PFKFB2: variants seen among roughly 807,000 people sequenced by gnomAD.
PFKFB2 encodes the protein 6-phosphofructo-2-kinase/fructose-2,6-biphosphatase 2.
PFKFB2 carries 53 observed loss-of-function variants against 68.0 expected under a neutral mutation model. That is an observed-to-expected ratio of 0.78 (90% confidence interval 0.63 to 0.98). The LOEUF is 0.98. PFKFB2 is among the 50% of genes least tolerant of loss of function. PFKFB2 has a pLI of 0.00. For missense variants in PFKFB2, 451 were observed against 642.0 expected (o/e 0.70, Z 3.22); for synonymous variants, 222 against 227.6 (o/e 0.98, Z 0.22).
At chr1:207,055,391 G>A (rs1682888036) in intron 2 of PFKFB2, among the ~76,000 whole-genome samples, 1 of 152,138 alleles carries the variant, frequency 6.6e-6, no homozygotes, top group East Asian at 1.9e-4. Flanking sequence ...GCTTTCACAT[G>A]AGCATTTTCA....
chr1:207,055,502 C>T (rs1303310485), intron 2 of PFKFB2, among the ~76,000 whole-genome samples: 1 of 152,152 alleles, frequency 6.6e-6, no homozygotes, highest in Non-Finnish European at 1.5e-5. Flanking sequence ...GCATCATAGG[C>T]TGCATAGCTT....
intron 14 of PFKFB2, 63 bp from the exon 15 acceptor site, chr1:207,072,141 A>C: frequency 6.3e-7 from 1 of 1,584,124 alleles, no homozygotes; most frequent in Non-Finnish European, 8.6e-7. Flanking sequence ...CGCATTATTA[A>C]CCTGTATGAG....
At chr1:207,038,262 A>G (rs891653869) in intron 1 of PFKFB2, among the ~76,000 whole-genome samples, 1 of 152,236 alleles carries the variant, frequency 6.6e-6, no homozygotes, top group Non-Finnish European at 1.5e-5. Context: ...AGGTGTTAGG[A>G]ATACAGCAAT....
At chr1:207,050,519 C>T (rs1367033412), upstream of PFKFB2, among the ~76,000 whole-genome samples, 1 of 152,212 alleles carries the variant, frequency 6.6e-6, no homozygotes, top group Non-Finnish European at 1.5e-5. Flanking sequence ...TTGCTAGACA[C>T]TTGCCCTGGC....
At position 207,077,458 on chromosome 1, in the gene PFKFB2, C is replaced by A; in HGVS notation, c.*5087C>A. The A allele has an allele frequency of 1.0e-6, 1 of 985,246 alleles. No homozygotes were observed. The highest frequency in any genetic ancestry group is 1.2e-6 in the Non-Finnish European group (1 of 829,826). The allele number at this position is 985,246 out of a possible 1,614,324, so 61.0% of individuals were successfully genotyped here. ...TATGTACGTTTTTTATTATATTGAC[C>A]TAACAAGAAGATCAACTTATGCTGG... On this transcript the variant is annotated 3_prime_UTR_variant, in exon 15 of 15. Coordinates refer to ENST00000367080, the MANE Select transcript of PFKFB2 (RefSeq NM_006212.2).
chr1:207,077,102 G>A lies in PFKFB2; in HGVS notation c.*4731G>A, dbSNP rs75079916. The A allele has an allele frequency of 3.0e-6, 3 of 984,822 alleles. No homozygotes were observed. Among genetic ancestry groups the A allele is most frequent in the Non-Finnish European group, 3.6e-6 (3 of 829,526 alleles). The allele number at this position is 984,822 out of a possible 1,614,324, so 61.0% of individuals were successfully genotyped here. ...TGTGAACTCAGCTAAGGGAATGCCT[G>A]TTCAGAGCCTGGAGTTGTTACCTTT... On this transcript the variant is annotated 3_prime_UTR_variant, in exon 15 of 15. Coordinates refer to ENST00000367080, the MANE Select transcript of PFKFB2 (RefSeq NM_006212.2).
intron 2 of PFKFB2, chr1:207,046,300 C>G (rs1332506185): frequency 6.6e-6 from 1 of 151,934 alleles, no homozygotes; most frequent in Non-Finnish European, 1.5e-5. Flanking sequence ...GTTGTAAGTC[C>G]ATAGATTTTC....
downstream of PFKFB2, chr1:207,079,261 T>A: frequency 1.7e-6 from 1 of 571,754 alleles, no homozygotes; most frequent in South Asian, 2.0e-5. Context: ...AACCAGTGAC[T>A]TTTTGTCATC....
At chr1:207,062,775 T>C (rs1683156015) in intron 4 of PFKFB2, 59 bp downstream of exon 4, 5 of 1,505,880 alleles carry the variant, frequency 3.3e-6, no homozygotes, top group Non-Finnish European at 2.7e-6. Flanking sequence ...TCATGAGACT[T>C]GGTGTGACAG....
In PFKFB2 at chr1:207,073,574, A is replaced by G; in HGVS notation, c.*1203A>G. On this transcript the variant is annotated 3_prime_UTR_variant, in exon 15 of 15. Transcript: ENST00000367080. ...TTTTTCCCAAATGTGGAAAAGCTTG[A>G]TGATGAATTTAATCTCTCTCATTGG... 1.0e-6 allele frequency: 1 copy of G among 985,248 alleles called. No homozygotes were observed. Among genetic ancestry groups the G allele is most frequent in the Non-Finnish European group, 1.2e-6 (1 of 829,730 alleles). The allele number at this position is 985,248 out of a possible 1,614,324, so 61.0% of individuals were successfully genotyped here.
At chr1:207,060,204 G>A (rs1683046893) in intron 2 of PFKFB2, among the ~76,000 whole-genome samples, 1 of 152,202 alleles carries the variant, frequency 6.6e-6, no homozygotes, top group Admixed American at 6.5e-5. Context: ...CTGCAAGGAA[G>A]CACAAGATCT....
At position 207,048,191 on chromosome 1, in the gene PFKFB2, T is replaced by C. The variant is rs562378482; in HGVS notation, c.-18+5979T>C. On this transcript the variant is annotated intron_variant, in intron 2 of 5. Coordinates refer to the PFKFB2 transcript ENST00000545806. ...ATGTGACAAAGACCAATACATGAAT[T>C]GCATTAAAACACGAGGCCAACGGTC... 1.3e-4 allele frequency: 20 copies of C among 152,780 alleles called. 2 individuals are homozygous for C. The South Asian group carries it at 4.1e-3, about 32-fold the overall frequency. 9.5% of individuals were successfully genotyped at this position (152,780 alleles called of 1,614,324 possible).
At chr1:207,071,400 T>A in intron 13 of PFKFB2, 109 bp from the exon 14 acceptor site, 1 of 1,032,290 alleles carries the variant, frequency 9.7e-7, no homozygotes, top group Admixed American at 1.8e-5. Flanking sequence ...TATGCATGAC[T>A]GTGTGTATTG....
intron 2 of PFKFB2, among the ~76,000 whole-genome samples, chr1:207,042,945 AAGCC>A (rs568334831): frequency 1.0e-3 from 158 of 152,330 alleles, no homozygotes; most frequent in African/African-American, 3.7e-3. Context: ...AAACTGGTAT[AAGCC>A]ATAAGAGATC....
intron 7 of PFKFB2, 114 bp from the exon 8 acceptor site, chr1:207,064,922 A>G (rs1247391520): frequency 8.2e-7 from 1 of 1,224,668 alleles, no homozygotes; most frequent in East Asian, 2.4e-5. Flanking sequence ...CCAATGTTCC[A>G]GTGAAAGGCG....
At chr1:207,050,412 CA>C (rs1682709545), upstream of PFKFB2, among the ~76,000 whole-genome samples, 1 of 152,040 alleles carries the variant, frequency 6.6e-6, no homozygotes, top group Admixed American at 6.5e-5. Flanking sequence ...CGAGGGAAAA[CA>C]AAATGGGATA....
In PFKFB2 at chr1:207,068,989, C is replaced by G. The variant is rs528785409; in HGVS notation, c.988-435C>G. On this transcript the variant is annotated intron_variant, in intron 10 of 14. Coordinates refer to ENST00000367080, the MANE Select transcript of PFKFB2 (RefSeq NM_006212.2). ...CTTGAACTCCTGACCTTGTGATCCA[C>G]CCGCCTTGGCCACCCAAAGTGTTGG... 2.6e-5 allele frequency among the ~76,000 whole-genome samples: 4 copies of G among 152,332 alleles called. No homozygotes were observed. The East Asian group carries it at 7.7e-4, about 29-fold the overall frequency.
rs1297810251 is a variant in PFKFB2, at chr1:207,077,042, C to G, written c.*4671C>G. On this transcript the variant is annotated 3_prime_UTR_variant, in exon 15 of 15. Coordinates refer to ENST00000367080, the MANE Select transcript of PFKFB2 (RefSeq NM_006212.2). ...GTGGCCAAATTCTCATTATTTTGTA[C>G]AAGATAAAGGTTATGCATCACTTTT... The G allele has an allele frequency of 1.0e-6, 1 of 984,334 alleles. No homozygotes were observed. The highest frequency in any genetic ancestry group is 1.2e-6 in the Non-Finnish European group (1 of 828,930). 61.0% of individuals were successfully genotyped at this position (984,334 alleles called of 1,614,324 possible).
intron 1 of PFKFB2, among the ~76,000 whole-genome samples, chr1:207,039,250 A>C (rs750123914): frequency 6.6e-6 from 1 of 152,228 alleles, no homozygotes; most frequent in Non-Finnish European, 1.5e-5. Flanking sequence ...GAGGTAATTC[A>C]ATCCAATAAA....
Sources: gnomAD v4.1 joint callset for allele counts (sites outside exome capture counted in the v4.1 genomes callset) on GRCh38, gnomAD v4.1.1 for gene constraint, MANE v1.5 for transcripts, NCBI Gene and HGNC (gene_info 2026-07-23, HGNC 2026-07-21) for gene names.